ADAM32: variants seen among roughly 807,000 people sequenced by gnomAD.
The protein encoded by ADAM32 is disintegrin and metalloproteinase domain-containing protein 32.
A neutral mutation model predicts 114.9 loss-of-function variants in ADAM32; 89 were observed. The observed-to-expected ratio is 0.77, with a 90% CI of 0.65 to 0.92. The LOEUF is 0.92. ADAM32 is among the 40% of genes least tolerant of loss of function. The probability of loss-of-function intolerance (pLI) is 0.00; values close to 1 mark genes in which losing one functional copy is unlikely to be tolerated. For missense variants in ADAM32, 870 were observed against 932.8 expected (o/e 0.93, Z 0.88); for synonymous variants, 285 against 307.5 (o/e 0.93, Z 0.77).
At chr8:39,281,234 G>T in intron 23 of ADAM32, 60 bp downstream of exon 23, 1 of 1,070,226 alleles carries the variant, frequency 9.3e-7, no homozygotes, top group South Asian at 2.5e-5. Context: ...GAATGAAAAA[G>T]TTGATAATTC....
chr8:39,138,619 T>C (rs1380937160), intron 3 of ADAM32, among the ~76,000 whole-genome samples: 1 of 152,226 alleles, frequency 6.6e-6, no homozygotes, highest in East Asian at 1.9e-4. Flanking sequence ...TTGTGAATAG[T>C]GCCACAATAA....
intron 21 of ADAM32, 144 bp downstream of exon 21, chr8:39,274,494 A>G (rs574755077): frequency 2.3e-6 from 2 of 859,904 alleles, no homozygotes; most frequent in East Asian, 5.4e-5. Context: ...ATACAGTTGA[A>G]TTTAGTTTCT....
intron 10 of ADAM32, among the ~76,000 whole-genome samples, chr8:39,186,499 G>T (rs1806254973): frequency 1.3e-5 from 2 of 152,198 alleles, no homozygotes; most frequent in East Asian, 1.9e-4. Flanking sequence ...AATTTGGTTA[G>T]TGGCCATTTC....
chr8:39,151,333 A>G, intron 5 of ADAM32, 44 bp from the exon 6 acceptor site: 1 of 1,445,298 alleles, frequency 6.9e-7, no homozygotes, highest in East Asian at 2.5e-5. Flanking sequence ...TTCATTATAT[A>G]GATTTGATTA....
At chr8:39,192,176 G>A (rs1051559144) in intron 11 of ADAM32, among the ~76,000 whole-genome samples, 1 of 152,206 alleles carries the variant, frequency 6.6e-6, no homozygotes, top group African/African-American at 2.4e-5. Context: ...TGTGTGCATA[G>A]AGGTGTTTGT....
At chr8:39,212,767 A>G (rs578132444) in intron 12 of ADAM32, among the ~76,000 whole-genome samples, 1 of 152,316 alleles carries the variant, frequency 6.6e-6, no homozygotes, top group Admixed American at 6.5e-5. Flanking sequence ...CTTAATTTGT[A>G]GAAGTACAAC....
intron 20 of ADAM32, among the ~76,000 whole-genome samples, chr8:39,272,483 TTATATA>T (rs1280281447): frequency 6.6e-6 from 1 of 152,228 alleles, no homozygotes; most frequent in Non-Finnish European, 1.5e-5. Flanking sequence ...TCCTATAACC[TTATATA>T]TATAAGCCTG....
chr8:39,267,893 T>C (rs1475924910), intron 19 of ADAM32, among the ~76,000 whole-genome samples: 1 of 152,172 alleles, frequency 6.6e-6, no homozygotes. Flanking sequence ...GGTTAGCAGA[T>C]GTGGAATGTG....
At chr8:39,163,292 T>C (rs988085079) in intron 7 of ADAM32, among the ~76,000 whole-genome samples, 21 of 152,148 alleles carry the variant, frequency 1.4e-4, no homozygotes, top group African/African-American at 4.3e-4. Context: ...GACAGGCTGT[T>C]ACTCAGTTTC....
At chr8:39,223,796 AT>A (rs1248191326) in intron 14 of ADAM32, 1 of 152,020 alleles carries the variant, frequency 6.6e-6, no homozygotes, top group Non-Finnish European at 1.5e-5. Flanking sequence ...GCATTTTGCC[AT>A]TTCTCCCCTT....
intron 14 of ADAM32, among the ~76,000 whole-genome samples, chr8:39,228,076 G>C (rs1347323465): frequency 6.6e-6 from 1 of 152,190 alleles, no homozygotes; most frequent in Non-Finnish European, 1.5e-5. Flanking sequence ...CCAGAAGAGA[G>C]ACAACAATCA....
chr8:39,175,013 T>C (rs544449682), intron 10 of ADAM32, among the ~76,000 whole-genome samples: 1 of 152,144 alleles, frequency 6.6e-6, no homozygotes, highest in Non-Finnish European at 1.5e-5. Flanking sequence ...GGAGTGCTAG[T>C]TATTTTTGCA....
At chr8:39,141,361 A>C (rs1803142837) in intron 3 of ADAM32, among the ~76,000 whole-genome samples, 1 of 152,154 alleles carries the variant, frequency 6.6e-6, no homozygotes, top group South Asian at 2.1e-4. Flanking sequence ...ATTGCTTTAA[A>C]TGTGTTCCAG....
rs768286233 is a variant in ADAM32, at chr8:39,274,359, G to C, written c.2240+9G>C. ...CAGACATATGCCAGCCAGTAAGTAG[G>C]TTAGAAGAGGTTTTTAAGATACATG... is the stretch of plus-strand genomic sequence containing the variant. On this transcript the variant is annotated intron_variant, in intron 21 of 24. Transcript: ENST00000379907. The C allele has an allele frequency of 3.1e-6, 5 of 1,610,448 alleles. No individual in the cohort carries two copies. The African/African-American group carries it at 6.7e-5, about 22-fold the overall frequency.
At chr8:39,163,010 G>C (rs1020144804) in intron 7 of ADAM32, among the ~76,000 whole-genome samples, 119 of 152,160 alleles carry the variant, frequency 7.8e-4, no homozygotes, top group East Asian at 3.9e-4. Context: ...CAAAAACAAA[G>C]AAACAAACAA....
At chr8:39,141,247 G>A (rs895422383) in intron 3 of ADAM32, among the ~76,000 whole-genome samples, 1 of 152,070 alleles carries the variant, frequency 6.6e-6, no homozygotes, top group East Asian at 1.9e-4. Context: ...GAGTTTGTTT[G>A]TTCTTGCTTC....
At chr8:39,201,693 C>T (rs1807426180) in intron 11 of ADAM32, among the ~76,000 whole-genome samples, 1 of 152,184 alleles carries the variant, frequency 6.6e-6, no homozygotes, top group Non-Finnish European at 1.5e-5. Flanking sequence ...AGAGGGCATC[C>T]CTGTCTTGTG....
At chr8:39,130,443 AT>A (rs553088398) in intron 2 of ADAM32, among the ~76,000 whole-genome samples, 35 of 151,634 alleles carry the variant, frequency 2.3e-4, no homozygotes, top group Non-Finnish European at 4.7e-4. Flanking sequence ...GTTTGTTATC[AT>A]TGTTTAAATG....
chr8:39,163,905 G>C (rs1182882575), intron 7 of ADAM32, among the ~76,000 whole-genome samples: 1 of 152,050 alleles, frequency 6.6e-6, no homozygotes, highest in African/African-American at 2.4e-5. Context: ...ATGTACTATA[G>C]AGAGTTTGTC....
Sources: allele counts gnomAD v4.1 joint callset (sites outside exome capture counted in the v4.1 genomes callset), GRCh38; gene constraint gnomAD v4.1.1; transcripts MANE v1.5; gene names NCBI Gene and HGNC (gene_info 2026-07-23, HGNC 2026-07-21).